The following ZNF827 variants were observed in gnomAD, a reference collection of about 807,000 sequenced individuals.
ZNF827 encodes zinc finger protein 827.
Under a neutral mutation model 102.4 loss-of-function variants are expected in ZNF827, and 13 were observed. That is an observed-to-expected ratio of 0.13 (90% CI 0.08 to 0.20). The LOEUF is 0.20. Among genes scored for constraint, ZNF827 ranks in the 10% least tolerant of loss-of-function variants. The pLI is 1.00. For missense variants in ZNF827, 1,103 were observed against 1,344.4 expected (o/e 0.82, Z 2.81); for synonymous variants, 523 against 536.2 (o/e 0.98, Z 0.34).
At chr4:145,889,008 A>C (rs1413192574) in intron 3 of ZNF827, among the ~76,000 whole-genome samples, 1 of 152,240 alleles carries the variant, frequency 6.6e-6, no homozygotes, top group Non-Finnish European at 1.5e-5. Flanking sequence ...TGTTGAACAA[A>C]GAAAGTAGAA....
intron 8 of ZNF827, among the ~76,000 whole-genome samples, chr4:145,787,231 G>A (rs375222469): frequency 4.6e-5 from 7 of 152,170 alleles, no homozygotes; most frequent in African/African-American, 1.4e-4. Context: ...TTGGGAGGCC[G>A]AGGCGTGTGG....
intron 1 of ZNF827, among the ~76,000 whole-genome samples, chr4:145,932,619 C>T (rs892116856): frequency 6.6e-6 from 1 of 152,102 alleles, no homozygotes; most frequent in African/African-American, 2.4e-5. Context: ...GGACCTCAGG[C>T]GCCCGCCACC....
chr4:145,919,082 T>C (rs1372649071), intron 1 of ZNF827, among the ~76,000 whole-genome samples: 1 of 151,784 alleles, frequency 6.6e-6, no homozygotes, highest in Non-Finnish European at 1.5e-5. Flanking sequence ...ATAGCAAGAC[T>C]CCCATCTCTA....
chr4:145,765,801 T>C lies in ZNF827; in HGVS notation c.2861-63A>G, dbSNP rs184501004. On this transcript the variant is annotated intron_variant, in intron 11 of 14. Transcript: ENST00000508784. The surrounding 1 kb of genome is among the most constrained non-coding windows in gnomAD (Gnocchi z 4.7). Reference sequence around the variant, plus strand: ...TGAAAATCCTCAGAATTATAGCAACTGAGGGTGACGAGTTGAGTCTCATGG... The same window carrying C: ...TGAAAATCCTCAGAATTATAGCAACCGAGGGTGACGAGTTGAGTCTCATGG... 6.5e-4 allele frequency: 994 copies of C among 1,531,522 alleles called. 6 individuals are homozygous for C. In the African/African-American group the frequency reaches 0.012, roughly 19 times the overall value. 94.9% of individuals were successfully genotyped at this position (1,531,522 alleles called of 1,614,324 possible).
At chr4:145,784,696 C>A (rs1738596781) in intron 8 of ZNF827, among the ~76,000 whole-genome samples, 1 of 152,214 alleles carries the variant, frequency 6.6e-6, no homozygotes, top group Non-Finnish European at 1.5e-5. Context: ...TCCAAAGTCA[C>A]AAAACAGCTT....
intron 5 of ZNF827, among the ~76,000 whole-genome samples, chr4:145,865,203 A>G (rs1258378792): frequency 6.6e-6 from 1 of 152,346 alleles, no homozygotes; most frequent in Non-Finnish European, 1.5e-5. Context: ...CTCACAGCCA[A>G]CACTATCTTG....
intron 11 of ZNF827, among the ~76,000 whole-genome samples, chr4:145,766,753 G>A (rs934819448): frequency 2.6e-5 from 4 of 152,272 alleles, no homozygotes; most frequent in East Asian, 1.9e-4. Context: ...AACAGTGCCC[G>A]GCACTTAGAG....
chr4:145,907,595 T>C (rs114645096), intron 1 of ZNF827, among the ~76,000 whole-genome samples: 1,622 of 152,350 alleles, frequency 0.011, 23 homozygotes, highest in African/African-American at 0.036. Context: ...GCCAAGGTCC[T>C]GGAAGTGCTT....
intron 7 of ZNF827, among the ~76,000 whole-genome samples, chr4:145,840,257 C>T (rs1475712649): frequency 1.3e-5 from 2 of 152,232 alleles, no homozygotes; most frequent in East Asian, 1.9e-4. Context: ...GCATGTGTGT[C>T]AGGGCAGCTG....
intron 8 of ZNF827, among the ~76,000 whole-genome samples, chr4:145,785,140 A>G (rs1431039241): frequency 6.6e-6 from 1 of 152,208 alleles, no homozygotes; most frequent in Non-Finnish European, 1.5e-5. Context: ...GAAAAGTAGG[A>G]ACACAGTGTA....
At chr4:145,912,363 C>T (rs369129940) in intron 1 of ZNF827, among the ~76,000 whole-genome samples, 1 of 152,140 alleles carries the variant, frequency 6.6e-6, no homozygotes, top group East Asian at 1.9e-4. Context: ...CTTTTGTTCT[C>T]CATTATATCC....
In ZNF827 at chr4:145,892,291, G is replaced by C. The variant is rs1676753505; in HGVS notation, c.1218C>G (p.Leu406=). 1 of 1,614,180 alleles carries C rather than the reference G, an allele frequency of 6.2e-7. No individual in the cohort carries two copies. Among genetic ancestry groups the C allele is most frequent in the South Asian group, 1.1e-5 (1 of 91,072 alleles). The stretch of plus-strand genomic sequence containing the variant: ...CCTTGCGAGCACACCGGAATGGACA[G>C]AGCGGACACTGATGACTTTTTAAAC... ...HTGLKSHQCP[L]CPFRCARKDN... Residue 406 remains leucine (L), a synonymous_variant, in exon 3 of 15, where the codon CTC becomes CTG. Transcript: ENST00000508784.
chr4:145,820,988 T>C (rs1743087376), intron 8 of ZNF827, among the ~76,000 whole-genome samples: 1 of 152,196 alleles, frequency 6.6e-6, no homozygotes, highest in South Asian at 2.1e-4. Context: ...AAATGTAGAT[T>C]CATAATATTT....
At chr4:145,793,250 T>G (rs113741272) in intron 8 of ZNF827, among the ~76,000 whole-genome samples, 1,448 of 136,956 alleles carry the variant, frequency 0.011, 12 homozygotes, top group African/African-American at 0.025. Flanking sequence ...AACTAAGAGA[T>G]ATATATATAT....
chr4:145,910,056 T>A (rs773488762), intron 1 of ZNF827, among the ~76,000 whole-genome samples: 2 of 152,076 alleles, frequency 1.3e-5, no homozygotes, highest in Non-Finnish European at 2.9e-5. Flanking sequence ...ACAACCAGAT[T>A]CCTGTCACCA....
intron 7 of ZNF827, chr4:145,830,337 G>T (rs992146469): frequency 1.3e-5 from 2 of 151,922 alleles, no homozygotes; most frequent in Non-Finnish European, 2.9e-5. Context: ...CAAAGATAAG[G>T]AATAAAGGAA....
chr4:145,906,589 A>G (rs1028631084), intron 1 of ZNF827, among the ~76,000 whole-genome samples: 4 of 152,230 alleles, frequency 2.6e-5, no homozygotes, highest in Non-Finnish European at 5.9e-5. Context: ...GCAAACAGGT[A>G]AGTGTGCCAA....
chr4:145,777,745 A>T (rs1737336448), intron 9 of ZNF827, among the ~76,000 whole-genome samples: 1 of 152,112 alleles, frequency 6.6e-6, no homozygotes, highest in African/African-American at 2.4e-5. Context: ...ATTCCTTAAG[A>T]TGACCATTAA....
chr4:145,774,749 A>T, intron 10 of ZNF827, 77 bp from the exon 11 acceptor site: 1 of 1,467,060 alleles, frequency 6.8e-7, no homozygotes. Context: ...GTCCATTTAT[A>T]CACAGTACAC....
Sources: allele counts gnomAD v4.1 joint callset (sites outside exome capture counted in the v4.1 genomes callset), GRCh38; gene constraint gnomAD v4.1.1; non-coding constraint Gnocchi (gnomAD v3.1); transcripts MANE v1.5; gene names NCBI Gene and HGNC (gene_info 2026-07-23, HGNC 2026-07-21).